The following CHD9 variants were observed in gnomAD, a reference collection of about 807,000 sequenced individuals.
The protein encoded by CHD9 is chromodomain helicase DNA binding protein 9.
A neutral mutation model predicts 316.1 loss-of-function variants in CHD9; 77 were observed. The ratio of observed to expected loss-of-function variants is 0.24; its 90% confidence interval spans 0.20 to 0.29. The LOEUF is 0.29. CHD9 is among the 10% of genes least tolerant of loss of function. The pLI is 1.00. For synonymous variants in CHD9, 1,129 were observed against 1,158.3 expected (o/e 0.97, Z 0.51); for missense variants, 2,763 against 3,438.1 (o/e 0.80, Z 4.91).
intron 1 of CHD9, among the ~76,000 whole-genome samples, chr16:53,092,875 C>T (rs2036070205): frequency 6.6e-6 from 1 of 152,096 alleles, no homozygotes; most frequent in Admixed American, 6.6e-5. Context: ...ATCTCTCAAC[C>T]TTAAGTGATC....
intron 1 of CHD9, among the ~76,000 whole-genome samples, chr16:53,118,283 G>A (rs2038473049): frequency 6.6e-6 from 1 of 152,066 alleles, no homozygotes; most frequent in Admixed American, 6.6e-5. Flanking sequence ...TAGGTGTAGA[G>A]GTGCACACCT....
chr16:53,320,596 T>A (rs2057210804), intron 37 of CHD9, among the ~76,000 whole-genome samples: 1 of 152,208 alleles, frequency 6.6e-6, no homozygotes, highest in African/African-American at 2.4e-5. Context: ...CAAGATATAG[T>A]ATTTAATCAT....
At position 53,319,497 on chromosome 16, in the gene CHD9, A is replaced by C. The variant is rs529483382; in HGVS notation, c.7713+1157A>C. ...GATAGCTTTTTCAGCTTTTGTTAGT[A>C]TTTTAAAGTGTAGCATACATGTCTT... On this transcript the variant is annotated intron_variant, in intron 37 of 38. Transcript: ENST00000447540. Among the ~76,000 whole-genome samples, 71 of 152,248 alleles carry C rather than the reference A, an allele frequency of 4.7e-4. 2 individuals are homozygous for C. In the South Asian group the frequency reaches 0.013, roughly 28 times the overall value.
intron 2 of CHD9, among the ~76,000 whole-genome samples, chr16:53,200,109 C>T (rs2045316818): frequency 6.6e-6 from 1 of 151,914 alleles, no homozygotes; most frequent in Non-Finnish European, 1.5e-5. Flanking sequence ...CACGGTGGCT[C>T]ATACCTTTAA....
intron 18 of CHD9, 46 bp downstream of exon 18, chr16:53,254,651 A>C (rs1278970694): frequency 6.5e-7 from 1 of 1,529,626 alleles, no homozygotes; most frequent in Non-Finnish European, 8.9e-7. Context: ...GTGTTTTTGC[A>C]TTTGATTTTA....
Position 53,308,671 on chromosome 16 carries a change from GTA to G in CHD9, c.7054-13_7054-12del. The G allele has an allele frequency of 6.3e-7, 1 of 1,595,682 alleles. No homozygotes were observed. Among genetic ancestry groups the G allele is most frequent in the Non-Finnish European group, 8.6e-7 (1 of 1,166,412 alleles). ...TTTAACAGTTTCTGTCTTAATAATGGTATTTGTTTAACAGGAAGGTGGTTTGA... is the reference window on the plus strand; with the variant it reads ...TTTAACAGTTTCTGTCTTAATAATGGTTTGTTTAACAGGAAGGTGGTTTGA... On this transcript the variant is annotated splice_polypyrimidine_tract_variant and intron_variant, in intron 33 of 38. Coordinates refer to ENST00000447540, the MANE Select transcript of CHD9 (RefSeq NM_001308319.2).
chr16:53,266,690 G>A (rs2051731108), intron 20 of CHD9, among the ~76,000 whole-genome samples: 1 of 152,106 alleles, frequency 6.6e-6, no homozygotes, highest in African/African-American at 2.4e-5. Context: ...CCATAACATA[G>A]TGCCTAGCTT....
intron 22 of CHD9, among the ~76,000 whole-genome samples, chr16:53,273,366 A>G (rs779457894): frequency 6.6e-6 from 1 of 152,188 alleles, no homozygotes; most frequent in East Asian, 1.9e-4. Flanking sequence ...ATTTGTAAAA[A>G]AATAATCTGT....
chr16:53,177,414 C>T lies in CHD9; in HGVS notation c.1452+19873C>T, dbSNP rs141318330. Among the ~76,000 whole-genome samples the T allele has an allele frequency of 1.7e-3, 252 of 152,054 alleles. 1 individual carries two copies. The highest frequency in any genetic ancestry group is 5.6e-3 in the African/African-American group (231 of 41,490). Reference sequence around the variant, plus strand: ...CGTCTGGATCTGAAAGGGAAAAAAACGAAAAAGACATGATTTGATCCAGTA... The same window carrying T: ...CGTCTGGATCTGAAAGGGAAAAAAATGAAAAAGACATGATTTGATCCAGTA... On this transcript the variant is annotated intron_variant, in intron 2 of 38. Transcript: ENST00000447540.
chr16:53,247,261 A>C (rs777507051), intron 15 of CHD9, 32 bp from the exon 16 acceptor site: 1 of 1,472,874 alleles, frequency 6.8e-7, no homozygotes, highest in South Asian at 1.2e-5. Flanking sequence ...GCATTTGCAC[A>C]TTGCTGTTAT....
At position 53,231,530 on chromosome 16, in the gene CHD9, TTAAG is replaced by T. The variant is rs376918134; in HGVS notation, c.2373+30_2373+33del. On this transcript the variant is annotated intron_variant, in intron 9 of 38. Transcript: ENST00000447540. ...GGTAAATATATGGTAAAAAGATTTT[TTAAG>T]TAAGAAAAATCTGAAACTTTCCAAG... The T allele has an allele frequency of 6.6e-5, 98 of 1,475,804 alleles. No individual in the cohort carries two copies. In the African/African-American group the frequency reaches 1.2e-3, roughly 18 times the overall value. 91.4% of individuals were successfully genotyped at this position (1,475,804 alleles called of 1,614,324 possible). A position where few individuals can be genotyped will look rare whatever the true frequency, so the allele number is the denominator to read the frequency against.
intron 34 of CHD9, among the ~76,000 whole-genome samples, chr16:53,309,608 A>G (rs1056330728): frequency 2.4e-4 from 37 of 152,304 alleles, no homozygotes; most frequent in Middle Eastern, 3.4e-3. Context: ...TGAGGAATGC[A>G]TTAGACATTG....
intron 16 of CHD9, among the ~76,000 whole-genome samples, chr16:53,248,611 G>A (rs767556518): frequency 1.5e-4 from 20 of 137,012 alleles, no homozygotes; most frequent in Non-Finnish European, 2.4e-4. Flanking sequence ...TTGCAACCTC[G>A]AACTCCTGAG....
At chr16:53,058,037 G>A (rs991154918) in intron 1 of CHD9, among the ~76,000 whole-genome samples, 4 of 152,184 alleles carry the variant, frequency 2.6e-5, no homozygotes, top group African/African-American at 9.7e-5. Context: ...TCAGGCATGA[G>A]TTATAGTGCA....
intron 1 of CHD9, among the ~76,000 whole-genome samples, chr16:53,150,197 C>A (rs1395440647): frequency 6.7e-6 from 1 of 150,056 alleles, no homozygotes; most frequent in African/African-American, 2.5e-5. Context: ...TCCATTACTG[C>A]CAATTTCTTA....
At chr16:53,064,355 C>T (rs772414276) in intron 1 of CHD9, among the ~76,000 whole-genome samples, 1 of 152,280 alleles carries the variant, frequency 6.6e-6, no homozygotes, top group South Asian at 2.1e-4. Context: ...TTCAGCAGAA[C>T]CTATAAAGTT....
chr16:53,243,889 C>T (rs1044998787), intron 13 of CHD9, among the ~76,000 whole-genome samples: 1 of 152,096 alleles, frequency 6.6e-6, no homozygotes, highest in African/African-American at 2.4e-5. Flanking sequence ...AATTCAAATA[C>T]AAAGAACCAC....
chr16:53,148,925 G>C (rs1451824895), intron 1 of CHD9, among the ~76,000 whole-genome samples: 2 of 152,106 alleles, frequency 1.3e-5, no homozygotes, highest in African/African-American at 4.8e-5. Context: ...TCAGAGCATT[G>C]CTTTGATAAG....
chr16:53,313,662 T>C (rs928407824), intron 34 of CHD9, among the ~76,000 whole-genome samples: 1 of 151,622 alleles, frequency 6.6e-6, no homozygotes, highest in African/African-American at 2.4e-5. Context: ...TAGAAAAATC[T>C]GGCCAGGTGC....
Sources: gnomAD v4.1 joint callset for allele counts (sites outside exome capture counted in the v4.1 genomes callset) on GRCh38, gnomAD v4.1.1 for gene constraint, MANE v1.5 for transcripts, NCBI Gene and HGNC (gene_info 2026-07-23, HGNC 2026-07-21) for gene names.